Variants in ANK3 observed in about 807,000 individuals in gnomAD.
The protein encoded by ANK3 is ankyrin 3, also known as ankyrin-3.
In ANK3, 57 loss-of-function variants were observed where a neutral mutation model predicts 370.9. The observed-to-expected ratio is 0.15, with a 90% CI of 0.12 to 0.19. ANK3 has a LOEUF of 0.19. ANK3 is among the 10% of genes least tolerant of loss of function. ANK3 has a pLI of 1.00. For synonymous variants in ANK3, 1,929 were observed against 1,946.3 expected (o/e 0.99, Z 0.23); for missense variants, 4,439 against 5,302.1 (o/e 0.84, Z 5.06).
At chr10:60,137,167 C>T (rs2094380848) in intron 24 of ANK3, among the ~76,000 whole-genome samples, 1 of 151,870 alleles carries the variant, frequency 6.6e-6, no homozygotes, top group African/African-American at 2.4e-5. Flanking sequence ...ATACTTTCTA[C>T]TTTTCTTAAA....
At chr10:60,433,560 G>C (rs550131794) in intron 2 of ANK3, among the ~76,000 whole-genome samples, 2 of 152,154 alleles carry the variant, frequency 1.3e-5, no homozygotes, top group South Asian at 4.2e-4. Context: ...GCCACCGCAC[G>C]ATCGTGCCAC....
At chr10:60,200,377 A>G (rs16914619) in intron 12 of ANK3, 150 bp from the exon 13 acceptor site, 93,414 of 690,022 alleles carry the variant, frequency 0.14, 8,070 homozygotes, top group East Asian at 0.29. Flanking sequence ...CAAATGCATG[A>G]GAATTTCACA....
At chr10:60,388,181 CAAG>C (rs1254967925) in intron 1 of ANK3, among the ~76,000 whole-genome samples, 8 of 152,134 alleles carry the variant, frequency 5.3e-5, no homozygotes, top group Non-Finnish European at 8.8e-5. Flanking sequence ...AAAATATATT[CAAG>C]AAGTTTATTT....
chr10:60,690,182 T>A (rs2079330668), intron 1 of ANK3, among the ~76,000 whole-genome samples: 1 of 152,068 alleles, frequency 6.6e-6, no homozygotes, highest in African/African-American at 2.4e-5. Context: ...AGAAAACGGG[T>A]GATTTCTGCA....
intron 23 of ANK3, chr10:60,146,010 T>C: frequency 1.6e-6 from 2 of 1,237,272 alleles, no homozygotes; most frequent in East Asian, 2.5e-5. Context: ...TTGTACCATG[T>C]GCATCTATTA....
chr10:60,611,525 G>A (rs1280475223), intron 2 of ANK3, among the ~76,000 whole-genome samples: 1 of 152,074 alleles, frequency 6.6e-6, no homozygotes, highest in Non-Finnish European at 1.5e-5. Context: ...CTTTTAGTCA[G>A]CCTCATTGTA....
At chr10:60,174,847 G>C (rs1209081883) in intron 18 of ANK3, among the ~76,000 whole-genome samples, 1 of 151,974 alleles carries the variant, frequency 6.6e-6, no homozygotes, top group East Asian at 1.9e-4. Flanking sequence ...TCTATCTCAA[G>C]TAGCTGTGAC....
At position 60,665,914 on chromosome 10, in the gene ANK3, G is replaced by A. The variant is rs1415890015; in HGVS notation, c.58-50690C>T. Among the ~76,000 whole-genome samples, 3 of 152,228 alleles carry A rather than the reference G, an allele frequency of 2.0e-5. No individual in the cohort carries two copies. The South Asian group carries it at 6.2e-4, about 31-fold the overall frequency. On this transcript the variant is annotated intron_variant, in intron 1 of 43. Transcript: ENST00000373827. ...ACTGGAAATAAACACAAATTAACAAGTGTTGGTAAAGATGTGGAGAAATTA... is the reference window on the plus strand; with the variant it reads ...ACTGGAAATAAACACAAATTAACAAATGTTGGTAAAGATGTGGAGAAATTA...
intron 1 of ANK3, among the ~76,000 whole-genome samples, chr10:60,671,351 C>T (rs1201252456): frequency 6.6e-6 from 1 of 152,174 alleles, no homozygotes; most frequent in Admixed American, 6.5e-5. Context: ...GATCTTCCCT[C>T]TCCCCTCCCA....
chr10:60,722,153 T>A (rs1167081931), intron 1 of ANK3, among the ~76,000 whole-genome samples: 1 of 152,088 alleles, frequency 6.6e-6, no homozygotes, highest in Non-Finnish European at 1.5e-5. Flanking sequence ...CACAGCAGCT[T>A]TTCAATCCAC....
At position 60,196,552 on chromosome 10, in the gene ANK3, C is replaced by T; in HGVS notation, c.1763G>A (p.Ser588Asn). 6.2e-7 allele frequency: 1 copy of T among 1,612,854 alleles called. No homozygotes were observed. Among genetic ancestry groups the T allele is most frequent in the Non-Finnish European group, 8.5e-7 (1 of 1,179,736 alleles). ...LEVANLLLQKSASPDAAGKSG... is the reference protein window; with the variant it reads ...LEVANLLLQKNASPDAAGKSG... ...CTTCCCAGCAGCATCTGGAGATGCA[C>T]TTTTCTGTAGCAGGAGATTGGCGAC... The change falls in exon 15 of 44, where the codon AGT becomes AAT. Residue 588 changes from serine to asparagine, a missense_variant. Ser to Asn is a conservative substitution (Grantham distance 46, BLOSUM62 1). Coordinates refer to ENST00000280772, the MANE Select transcript of ANK3 (RefSeq NM_020987.5).
intron 24 of ANK3, among the ~76,000 whole-genome samples, chr10:60,135,497 C>T (rs556030410): frequency 6.6e-6 from 1 of 152,240 alleles, no homozygotes; most frequent in Non-Finnish European, 1.5e-5. Flanking sequence ...AGACATCCAG[C>T]CCCTTTTGTT....
chr10:60,732,000 G>T (rs1179135826), intron 1 of ANK3, among the ~76,000 whole-genome samples: 2 of 152,180 alleles, frequency 1.3e-5, no homozygotes, highest in East Asian at 1.9e-4. Flanking sequence ...ATTCCCTGAG[G>T]ATTTTTAGAG....
Position 60,116,274 on chromosome 10 carries a change from T to C in ANK3, c.2842-1943A>G, listed in dbSNP as rs557707490. Among the ~76,000 whole-genome samples, 3 of 152,170 alleles carry C rather than the reference T, an allele frequency of 2.0e-5. No individual in the cohort carries two copies. In the East Asian group the frequency reaches 5.8e-4, roughly 29 times the overall value. The stretch of plus-strand genomic sequence containing the variant: ...TGGGGACAGAGTTCTAGGCAAAAAA[T>C]GGGAAGTCTCTGAGGATTCTGACCT... On this transcript the variant is annotated intron_variant, in intron 25 of 43. Transcript: ENST00000280772.
At chr10:60,161,790 T>A (rs1169509220) in intron 23 of ANK3, among the ~76,000 whole-genome samples, 1 of 152,098 alleles carries the variant, frequency 6.6e-6, no homozygotes, top group Non-Finnish European at 1.5e-5. Context: ...TACAGTTAGC[T>A]AGAAGGAATA....
chr10:60,308,883 G>A (rs1240546101), intron 1 of ANK3, among the ~76,000 whole-genome samples: 1 of 152,056 alleles, frequency 6.6e-6, no homozygotes, highest in Non-Finnish European at 1.5e-5. Flanking sequence ...CCTGGCATTG[G>A]ATGCCTGGGG....
chr10:60,709,161 C>G (rs1478136603), intron 1 of ANK3, among the ~76,000 whole-genome samples: 1 of 152,134 alleles, frequency 6.6e-6, no homozygotes, highest in Non-Finnish European at 1.5e-5. Flanking sequence ...GCATCACAGC[C>G]AGACTCAGAT....
chr10:60,090,916 C>A (rs2088166020), intron 28 of ANK3, among the ~76,000 whole-genome samples: 1 of 148,424 alleles, frequency 6.7e-6, no homozygotes, highest in South Asian at 2.1e-4. Context: ...TTACTGACAT[C>A]TTTTTTTTTT....
chr10:60,618,301 G>A (rs769359905), intron 1 of ANK3, among the ~76,000 whole-genome samples: 43 of 152,036 alleles, frequency 2.8e-4, no homozygotes, highest in East Asian at 1.9e-4. Flanking sequence ...CTTATAAAAC[G>A]TCTTCTAATA....
Sources: gnomAD v4.1 joint callset for allele counts (sites outside exome capture counted in the v4.1 genomes callset) on GRCh38, gnomAD v4.1.1 for gene constraint, MANE v1.5 for transcripts, NCBI Gene and HGNC (gene_info 2026-07-23, HGNC 2026-07-21) for gene names.